POU6F2: variants seen among roughly 807,000 people sequenced by gnomAD.
POU6F2 encodes POU domain, class 6, transcription factor 2.
POU6F2 carries 31 observed loss-of-function variants against 71.3 expected under a neutral mutation model. The ratio of observed to expected loss-of-function variants is 0.43; its 90% CI spans 0.33 to 0.59. POU6F2 has a LOEUF of 0.59. Ranked by LOEUF, POU6F2 falls within the 20% of genes least tolerant of loss-of-function variation. POU6F2 has a pLI of 0.04. For synonymous variants in POU6F2, 347 were observed against 355.7 expected, an observed-to-expected ratio of 0.98 and a Z score of 0.27; for missense variants, 783 against 856.8, an observed-to-expected ratio of 0.91 and a Z score of 1.07.
intron 5 of POU6F2, among the ~76,000 whole-genome samples, chr7:39,378,513 G>T (rs142280157): frequency 6.6e-6 from 1 of 152,310 alleles, no homozygotes; most frequent in Non-Finnish European, 1.5e-5. Flanking sequence ...ATGGAAGAGC[G>T]TGAACCAAGA....
intron 4 of POU6F2, among the ~76,000 whole-genome samples, chr7:39,305,095 G>T (rs6462907): frequency 0.68 from 103,665 of 152,210 alleles, 35,364 homozygotes; most frequent in Admixed American, 0.77. Context: ...GATGCTAAAA[G>T]CCAATATGTA....
At chr7:39,117,594 A>G (rs1450295791) in intron 2 of POU6F2, among the ~76,000 whole-genome samples, 3 of 152,224 alleles carry the variant, frequency 2.0e-5, no homozygotes, top group Non-Finnish European at 4.4e-5. Context: ...TTGGCTGAGT[A>G]GAGAAAGGTG....
At chr7:39,053,165 C>G (rs1242492786) in intron 1 of POU6F2, among the ~76,000 whole-genome samples, 1 of 152,034 alleles carries the variant, frequency 6.6e-6, no homozygotes, top group Non-Finnish European at 1.5e-5. Context: ...ACTTAGTGCT[C>G]CCTTTTCAGA....
At position 39,126,755 on chromosome 7, in the gene POU6F2, G is replaced by A. The variant is rs1792146233; in HGVS notation, c.277+40724G>A. On this transcript the variant is annotated intron_variant, in intron 2 of 9. Coordinates refer to ENST00000518318, the MANE Select transcript of POU6F2 (RefSeq NM_001370959.1). ...CTAAAACCAATAGCGTATGTAATTT[G>A]TCTTAAATGTATATGGAAATCAGAG... is the stretch of plus-strand genomic sequence containing the variant. Among the ~76,000 whole-genome samples the A allele has an allele frequency of 2.6e-5, 4 of 152,208 alleles. No homozygotes were observed. The South Asian group carries it at 8.3e-4, about 32-fold the overall frequency.
chr7:39,325,398 A>T (rs1032041153), intron 4 of POU6F2, among the ~76,000 whole-genome samples: 1 of 152,204 alleles, frequency 6.6e-6, no homozygotes, highest in Admixed American at 6.5e-5. Context: ...GGCAACCCTG[A>T]AATTGTTGTA....
intron 2 of POU6F2, among the ~76,000 whole-genome samples, chr7:39,194,977 AC>A: frequency 6.6e-6 from 1 of 152,158 alleles, no homozygotes; most frequent in Non-Finnish European, 1.5e-5. Context: ...AACTCCGCAC[AC>A]ACCATCTTTA....
intron 4 of POU6F2, among the ~76,000 whole-genome samples, chr7:39,327,309 C>T (rs1202164027): frequency 6.6e-6 from 1 of 151,618 alleles, no homozygotes; most frequent in Non-Finnish European, 1.5e-5. Context: ...TTCATACGCA[C>T]ATACCCACTT....
At chr7:39,322,204 G>A (rs1391458236) in intron 4 of POU6F2, among the ~76,000 whole-genome samples, 4 of 152,154 alleles carry the variant, frequency 2.6e-5, no homozygotes, top group African/African-American at 9.7e-5. Context: ...GCATGCAATT[G>A]CAGATGGCCA....
intron 2 of POU6F2, among the ~76,000 whole-genome samples, chr7:39,179,851 A>G (rs913793736): frequency 6.6e-6 from 1 of 152,234 alleles, no homozygotes; most frequent in Non-Finnish European, 1.5e-5. Flanking sequence ...TATATCACTT[A>G]AGGCCCACCA....
rs376718074 is a variant in POU6F2, at chr7:39,123,507, A to G, written c.277+37476A>G. Among the ~76,000 whole-genome samples the G allele has an allele frequency of 5.9e-5, 9 of 152,310 alleles. No homozygotes were observed. The South Asian group carries it at 1.5e-3, about 25-fold the overall frequency. On this transcript the variant is annotated intron_variant, in intron 2 of 9. Transcript: ENST00000518318. The stretch of plus-strand genomic sequence containing the variant: ...GAATTAAAACATCCTTTCCTAAAAT[A>G]TACTTCCTTACAGTCAAGCATGATT...
intron 5 of POU6F2, among the ~76,000 whole-genome samples, chr7:39,371,185 T>G (rs1008948814): frequency 1.1e-4 from 17 of 151,662 alleles, no homozygotes; most frequent in Non-Finnish European, 2.2e-4. Context: ...GAGAATGGTT[T>G]TTTTTTTTTT....
At chr7:39,312,136 A>G (rs1028547857) in intron 4 of POU6F2, among the ~76,000 whole-genome samples, 1 of 152,190 alleles carries the variant, frequency 6.6e-6, no homozygotes, top group Non-Finnish European at 1.5e-5. Flanking sequence ...GTGATCCAAC[A>G]TAATATAAAG....
chr7:39,000,809 C>T (rs1392621197), intron 1 of POU6F2, among the ~76,000 whole-genome samples: 1 of 152,170 alleles, frequency 6.6e-6, no homozygotes, highest in Non-Finnish European at 1.5e-5. Context: ...GTCTCCTGTG[C>T]ACTGTTGGTC....
At chr7:39,108,621 C>A (rs549539976) in intron 2 of POU6F2, among the ~76,000 whole-genome samples, 2 of 152,196 alleles carry the variant, frequency 1.3e-5, no homozygotes, top group Admixed American at 1.3e-4. Flanking sequence ...CTTCATTTGC[C>A]CAGAGAAATT....
intron 4 of POU6F2, among the ~76,000 whole-genome samples, chr7:39,320,824 G>A (rs776345134): frequency 1.3e-5 from 2 of 152,192 alleles, no homozygotes; most frequent in Non-Finnish European, 1.5e-5. Context: ...GGAGGCTAAG[G>A]TGGGAAGATT....
In POU6F2 at chr7:39,218,690, C is replaced by T. The variant is rs74554113; in HGVS notation, c.598+11070C>T. ...ATCCAAGGAGAAGAGGTCCTGGTGG[C>T]AATGATGGAGAGCAGGGGACTGATT... On this transcript the variant is annotated intron_variant, in intron 4 of 9. Coordinates refer to ENST00000518318, the MANE Select transcript of POU6F2 (RefSeq NM_001370959.1). Among the ~76,000 whole-genome samples, 591 of 151,994 alleles carry T rather than the reference C, an allele frequency of 3.9e-3. 14 individuals carry two copies. In the East Asian group the frequency reaches 0.054, roughly 14 times the overall value.
chr7:39,430,316 C>A (rs1423375975), intron 6 of POU6F2, among the ~76,000 whole-genome samples: 2 of 152,186 alleles, frequency 1.3e-5, no homozygotes, highest in African/African-American at 2.4e-5. Context: ...AGAACTGCTC[C>A]TGACCCCCCA....
intron 2 of POU6F2, among the ~76,000 whole-genome samples, chr7:39,116,327 G>C (rs1331790749): frequency 3.3e-5 from 5 of 152,160 alleles, no homozygotes; most frequent in Non-Finnish European, 5.9e-5. Flanking sequence ...CGAGGCTGCA[G>C]TAAGCCGTGA....
intron 4 of POU6F2, among the ~76,000 whole-genome samples, chr7:39,230,489 GA>G (rs971811603): frequency 0.015 from 1,507 of 102,426 alleles, 13 homozygotes; most frequent in African/African-American, 0.04. Flanking sequence ...GTTTTAAAAA[GA>G]AAAAAAAAAA....
Sources: gnomAD v4.1 joint callset for allele counts (sites outside exome capture counted in the v4.1 genomes callset) on GRCh38, gnomAD v4.1.1 for gene constraint, MANE v1.5 for transcripts, NCBI Gene and HGNC (gene_info 2026-07-23, HGNC 2026-07-21) for gene names.